ZIM2: variants seen among roughly 807,000 people sequenced by gnomAD.
ZIM2 encodes zinc finger protein 656.
Under a neutral mutation model 38.6 loss-of-function variants are expected in ZIM2, and 14 were observed. The observed-to-expected ratio is 0.36, with a 90% CI of 0.24 to 0.57. The LOEUF is 0.57. Ranked by LOEUF, ZIM2 falls within the 20% of genes least tolerant of loss-of-function variation. ZIM2 has a pLI of 0.81. For missense variants in ZIM2, 680 were observed against 695.1 expected, an observed-to-expected ratio of 0.98 and a Z score of 0.24; for synonymous variants, 247 against 245.8, an observed-to-expected ratio of 1.00 and a Z score of -0.04.
chr19:56,792,990 C>T (rs887286211), intron 9 of ZIM2: 1 of 152,672 alleles, frequency 6.5e-6, no homozygotes, highest in African/African-American at 2.4e-5. Flanking sequence ...CAGTTGCTTC[C>T]TCCTTCTCAC....
chr19:56,817,684 A>T (rs919925602), intron 9 of ZIM2, 62 bp downstream of exon 9: 2 of 1,550,476 alleles, frequency 1.3e-6, no homozygotes, highest in Non-Finnish European at 8.9e-7. Context: ...CAAAGTGTAG[A>T]AGTTCCTTGA....
chr19:56,817,272 T>C, intron 9 of ZIM2: 3 of 1,614,204 alleles, frequency 1.9e-6, no homozygotes, highest in Non-Finnish European at 2.5e-6. Context: ...AGCGCCTCTT[T>C]CTTTCAAGAA....
At position 56,822,740 on chromosome 19, in the gene ZIM2, G is replaced by A; in HGVS notation, c.190+13C>T. 1 of 1,613,768 alleles carries A rather than the reference G, an allele frequency of 6.2e-7. No homozygotes were observed. Among genetic ancestry groups the A allele is most frequent in the East Asian group, 2.2e-5 (1 of 44,870 alleles). ...TATATCTCCTACTGGGAAAGAAAGT[G>A]GTTAAGACTCACTGCTTCTTGGGTT... On this transcript the variant is annotated intron_variant, in intron 6 of 12. Transcript: ENST00000629319.
intron 9 of ZIM2, among the ~76,000 whole-genome samples, chr19:56,796,338 C>A (rs2047226998): frequency 6.6e-6 from 1 of 152,244 alleles, no homozygotes; most frequent in African/African-American, 2.4e-5. Flanking sequence ...GTACGCAGCA[C>A]ACATGGCAAA....
chr19:56,805,380 TAA>T (rs1328864528), intron 9 of ZIM2, among the ~76,000 whole-genome samples: 1 of 152,180 alleles, frequency 6.6e-6, no homozygotes, highest in Admixed American at 6.5e-5. Flanking sequence ...GCTGGGCCAA[TAA>T]GAGTCCTACA....
intron 3 of ZIM2, among the ~76,000 whole-genome samples, chr19:56,825,743 G>A (rs1248273198): frequency 1.3e-5 from 2 of 151,726 alleles, no homozygotes; most frequent in African/African-American, 2.4e-5. Context: ...TACTTCCAGA[G>A]AAGAAAAAAA....
chr19:56,820,093 T>C (rs891117947), intron 7 of ZIM2, among the ~76,000 whole-genome samples: 3 of 152,210 alleles, frequency 2.0e-5, no homozygotes, highest in Non-Finnish European at 4.4e-5. Context: ...CAGCCCTAAA[T>C]TGGTTGTTCG....
At chr19:56,822,877 GACAC>G in intron 5 of ZIM2, 41 bp from the exon 6 acceptor site, 1 of 1,596,552 alleles carries the variant, frequency 6.3e-7, no homozygotes, top group Non-Finnish European at 8.5e-7. Flanking sequence ...AAAGCTCTTT[GACAC>G]ACCTGTTTTC....
intron 9 of ZIM2, chr19:56,812,903 A>G: frequency 1.0e-6 from 1 of 985,796 alleles, no homozygotes; most frequent in Non-Finnish European, 1.2e-6. Context: ...GCAACCAATC[A>G]ATCTGGGTCA....
chr19:56,793,668 A>G (rs1035396291), intron 9 of ZIM2, among the ~76,000 whole-genome samples: 1 of 152,238 alleles, frequency 6.6e-6, no homozygotes, highest in African/African-American at 2.4e-5. Context: ...GGATAACACT[A>G]TGCACCCTCC....
intron 2 of ZIM2, 62 bp from the exon 3 acceptor site, chr19:56,826,525 T>C (rs1036060548): frequency 6.6e-6 from 1 of 151,470 alleles, no homozygotes; most frequent in Admixed American, 6.6e-5. Context: ...GTAGAAGGAG[T>C]GTCAGAGAAT....
chr19:56,813,766 G>T (rs749784375), intron 9 of ZIM2: 256 of 1,613,982 alleles, frequency 1.6e-4, no homozygotes, highest in Non-Finnish European at 2.1e-4. Context: ...CTTCTCATCA[G>T]CTTGATTGGC....
intron 1 of ZIM2, among the ~76,000 whole-genome samples, chr19:56,840,068 A>G (rs995934841): frequency 7.9e-5 from 12 of 152,188 alleles, no homozygotes; most frequent in African/African-American, 2.9e-4. Context: ...CGGCGCCGCG[A>G]GGCCGATGGC....
intron 10 of ZIM2, among the ~76,000 whole-genome samples, chr19:56,783,301 G>C (rs538693265): frequency 6.6e-6 from 1 of 152,206 alleles, no homozygotes; most frequent in South Asian, 2.1e-4. Context: ...TTAAAAGGCA[G>C]ATACCATATA....
chr19:56,806,174 CAT>C (rs1185804474), intron 9 of ZIM2, among the ~76,000 whole-genome samples: 3 of 152,188 alleles, frequency 2.0e-5, no homozygotes, highest in African/African-American at 7.2e-5. Context: ...GCAACTTTCC[CAT>C]GAGCTTTAAA....
chr19:56,827,445 C>CGAAG (rs2061154122), intron 2 of ZIM2, among the ~76,000 whole-genome samples: 2 of 152,030 alleles, frequency 1.3e-5, no homozygotes, highest in Non-Finnish European at 2.9e-5. Flanking sequence ...TGAGCTACTT[C>CGAAG]CCACCATGGC....
chr19:56,804,468 TC>T (rs2047666287), intron 9 of ZIM2, among the ~76,000 whole-genome samples: 1 of 152,188 alleles, frequency 6.6e-6, no homozygotes, highest in African/African-American at 2.4e-5. Context: ...ACCGCAGTCT[TC>T]AGGTAAGCAA....
Position 56,817,436 on chromosome 19 carries a change from C to G in ZIM2, c.490+310G>C, listed in dbSNP as rs145308658. The G allele has an allele frequency of 6.8e-4, 1,101 of 1,614,054 alleles. 4 individuals carry two copies. The highest frequency in any genetic ancestry group is 8.6e-4 in the South Asian group (78 of 91,062). Reference sequence around the variant, plus strand: ...ATTCTGGGGAATCTCTGTGACCGGTCGCTTGACTCCCTTGCTCTTCCCGAT... The same window carrying G: ...ATTCTGGGGAATCTCTGTGACCGGTGGCTTGACTCCCTTGCTCTTCCCGAT... On this transcript the variant is annotated intron_variant, in intron 9 of 12. Transcript: ENST00000629319.
Position 56,824,268 on chromosome 19 carries a change from G to A in ZIM2, c.10C>T (p.Pro4Ser), listed in dbSNP as rs1225722239. Residue 4 changes from proline (P) to serine (S), a missense_variant, in exon 4 of 13, where the codon CCA (proline) becomes TCA (serine). By Grantham distance (74) the Pro-to-Ser change is moderately conservative. Transcript: ENST00000629319. MYQPEDDNNSDVTS... is the reference protein window; with the variant it reads MYQSEDDNNSDVTS... ...ACCCCGTGGAGACTCTCACCTTCTG[G>A]TTGGTACATCTCCTTGTAATTCTCC... is the stretch of plus-strand genomic sequence containing the variant. The A allele has an allele frequency of 2.0e-5, 33 of 1,613,546 alleles. No homozygotes were observed. Among genetic ancestry groups the A allele is most frequent in the Non-Finnish European group, 2.8e-5 (33 of 1,179,708 alleles).
Sources: gnomAD v4.1 joint callset for allele counts (sites outside exome capture counted in the v4.1 genomes callset) on GRCh38, gnomAD v4.1.1 for gene constraint, MANE v1.5 for transcripts, NCBI Gene and HGNC (gene_info 2026-07-23, HGNC 2026-07-21) for gene names.